The following SETD1A variants were observed in gnomAD, a reference collection of about 807,000 sequenced individuals.
SETD1A encodes the protein histone-lysine N-methyltransferase SETD1A.
SETD1A carries 29 observed loss-of-function variants against 149.9 expected under a neutral mutation model. The ratio of observed to expected loss-of-function variants is 0.19; its 90% CI spans 0.14 to 0.26. The LOEUF (loss-of-function observed/expected upper bound fraction) is 0.26. SETD1A is among the 10% of genes least tolerant of loss of function. The pLI is 1.00. For synonymous variants in SETD1A, 1,141 were observed against 968.5 expected (o/e 1.18, Z -3.31); for missense variants, 2,109 against 2,353.1 (o/e 0.90, Z 2.15).
intron 10 of SETD1A, among the ~76,000 whole-genome samples, chr16:30,968,163 C>T (rs1370906949): frequency 6.6e-6 from 1 of 152,034 alleles, no homozygotes; most frequent in East Asian, 1.9e-4. Context: ...CCAGCACTTC[C>T]AGAGGCTGAG....
At position 30,959,086 on chromosome 16, in the gene SETD1A, C is replaced by G. The variant is rs755077632; in HGVS notation, c.151-5C>G. 6 of 1,606,698 alleles carry G rather than the reference C, an allele frequency of 3.7e-6. No homozygotes were observed. The highest frequency in any genetic ancestry group is 1.7e-5 in the Admixed American group (1 of 59,984). On this transcript the variant is annotated splice_region_variant and splice_polypyrimidine_tract_variant and intron_variant, in intron 2 of 18. Transcript: ENST00000262519. The stretch of plus-strand genomic sequence containing the variant: ...CTCTCTTTCTGCTGCTGCTTTCCTT[C>G]CTAGGACTCAAAGTATATACCAGTC...
rs2056429112 is a variant in SETD1A, at chr16:30,984,484, C to T, written c.*461C>T. On this transcript the variant is annotated 3_prime_UTR_variant, in exon 19 of 19. Transcript: ENST00000262519. The stretch of plus-strand genomic sequence containing the variant: ...GTCCTGGGGACTCCGTGCCTGGAAC[C>T]CTGCCTCATCTGTTCCTGCCAGACC... 6.0e-6 allele frequency: 1 copy of T among 165,692 alleles called. No homozygotes were observed. 10.3% of individuals were successfully genotyped at this position (165,692 alleles called of 1,614,324 possible). A position where few individuals can be genotyped will look rare whatever the true frequency, so the allele number is the denominator to read the frequency against.
Position 30,961,940 on chromosome 16 carries a change from C to T in SETD1A, c.517+403C>T, listed in dbSNP as rs534325973. On this transcript the variant is annotated intron_variant, in intron 4 of 18. Coordinates refer to ENST00000262519, the MANE Select transcript of SETD1A (RefSeq NM_014712.3). The surrounding 1 kb of genome is among the most constrained non-coding windows in gnomAD (Gnocchi z 4.0). ...CTTTCCTCACTGCAGCCTCCAGCTC[C>T]TGGGCTCAGCCACCCCAGCCTCCTG... Among the ~76,000 whole-genome samples, 2 of 152,278 alleles carry T rather than the reference C, an allele frequency of 1.3e-5. No individual in the cohort carries two copies. The highest frequency in any genetic ancestry group is 6.5e-5 in the Admixed American group (1 of 15,292).
chr16:30,979,133 C>T lies in SETD1A; in HGVS notation c.3359-12C>T, dbSNP rs371168229. On this transcript the variant is annotated splice_polypyrimidine_tract_variant and intron_variant, in intron 13 of 18. Transcript: ENST00000262519. ...CCTGACCTCCTTTCCTTCCTATGTGCTTCCTTCCCAGGCCCCACGGAGGAG... is the reference window on the plus strand; with the variant it reads ...CCTGACCTCCTTTCCTTCCTATGTGTTTCCTTCCCAGGCCCCACGGAGGAG... 678 of 1,538,166 alleles carry T rather than the reference C, an allele frequency of 4.4e-4. 5 individuals carry two copies. In the South Asian group the frequency reaches 5.8e-3, roughly 13 times the overall value.
chr16:30,965,038 T>C lies in SETD1A; in HGVS notation c.1296T>C (p.Ala432=). The C allele has an allele frequency of 6.2e-7, 1 of 1,611,798 alleles. No homozygotes were observed. The highest frequency in any genetic ancestry group is 8.5e-7 in the Non-Finnish European group (1 of 1,179,668). ...DQDYRPPASE[A]PPPEPPEPGG... ...ACTACCGGCCTCCTGCCTCAGAGGC[T>C]CCACCCCCGGAGCCTCCAGAACCTG... is the stretch of plus-strand genomic sequence containing the variant. The change falls in exon 7 of 19, where the codon GCT becomes GCC. Residue 432 remains alanine (A), a synonymous_variant. Transcript: ENST00000262519.
chr16:30,980,281 C>T lies in SETD1A; in HGVS notation c.4408+87C>T, dbSNP rs1340175780. 1.4e-6 allele frequency: 2 copies of T among 1,474,658 alleles called. No individual in the cohort carries two copies. Among genetic ancestry groups the T allele is most frequent in the South Asian group, 1.4e-5 (1 of 72,054 alleles). 91.3% of individuals were successfully genotyped at this position (1,474,658 alleles called of 1,614,324 possible). A position where few individuals can be genotyped will look rare whatever the true frequency, so the allele number is the denominator to read the frequency against. ...TGCATCTGTGCCCCACTCTGTCTGCCTCCCCTCTGGCTCCAAGCCATCTTT... is the reference window on the plus strand; with the variant it reads ...TGCATCTGTGCCCCACTCTGTCTGCTTCCCCTCTGGCTCCAAGCCATCTTT... On this transcript the variant is annotated intron_variant, in intron 14 of 18. Coordinates refer to ENST00000262519, the MANE Select transcript of SETD1A (RefSeq NM_014712.3). This position sits in a 1 kb window ranked among gnomAD's most constrained non-coding sequence, Gnocchi z 7.7.
chr16:30,965,445 C>G lies in SETD1A; in HGVS notation c.1703C>G (p.Ala568Gly), dbSNP rs1289003809. 2 of 1,597,608 alleles carry G rather than the reference C, an allele frequency of 1.3e-6. No individual in the cohort carries two copies. Among genetic ancestry groups the G allele is most frequent in the South Asian group, 1.1e-5 (1 of 90,142 alleles). ...GGGGCTACCCGGGAGTCTCCCAAGG[C>G]AAATGGACAGAACCAGGTGAGGTTG... ...EPGATRESPKANGQNQASPCS... is the reference protein window; with the variant it reads ...EPGATRESPKGNGQNQASPCS... Residue 568 changes from alanine (A) to glycine (G), a missense_variant, in exon 7 of 19, where the codon GCA becomes GGA. This residue lies in a region of SETD1A where 431 missense variants were observed against 388.6 expected (regional missense o/e 1.11). Coordinates refer to ENST00000262519, the MANE Select transcript of SETD1A (RefSeq NM_014712.3).
chr16:30,958,134 G>A (rs2055989287), intron 1 of SETD1A, among the ~76,000 whole-genome samples, 170 bp downstream of exon 1: 1 of 149,152 alleles, frequency 6.7e-6, no homozygotes, highest in Admixed American at 6.7e-5. Context: ...GGTGAGTGGG[G>A]CCGCGCGGCG....
At chr16:30,967,401 GC>G in intron 9 of SETD1A, 99 bp from the exon 10 acceptor site, 1 of 1,040,990 alleles carries the variant, frequency 9.6e-7, no homozygotes, top group Non-Finnish European at 1.5e-6. Context: ...TGATCTACCT[GC>G]CTTGGCCTCC....
Position 30,971,628 on chromosome 16 carries a change from A to G in SETD1A, c.3267A>G (p.Pro1089=). The G allele has an allele frequency of 6.2e-7, 1 of 1,613,532 alleles. No homozygotes were observed. Among genetic ancestry groups the G allele is most frequent in the Non-Finnish European group, 8.5e-7 (1 of 1,179,752 alleles). The change falls in exon 13 of 19, where the codon CCA becomes CCG. Residue 1089 remains proline (P), a synonymous_variant. Coordinates refer to ENST00000262519, the MANE Select transcript of SETD1A (RefSeq NM_014712.3). ...PPPREVPVPT[P]APVEVPVPER... ...CCAGAGAAGTCCCAGTGCCCACGCC[A>G]GCACCTGTGGAGGTGCCAGTGCCGG... is the stretch of plus-strand genomic sequence containing the variant.
In SETD1A at chr16:30,966,971, G is replaced by A; in HGVS notation, c.2593G>A (p.Asp865Asn). 2 of 1,591,160 alleles carry A rather than the reference G, an allele frequency of 1.3e-6. No homozygotes were observed. The highest frequency in any genetic ancestry group is 1.1e-5 in the South Asian group (1 of 87,570). Residue 865 changes from aspartate to asparagine, a missense_variant, in exon 9 of 19, where the codon GAC becomes AAC. Asp to Asn is a conservative substitution (Grantham distance 23). Coordinates refer to ENST00000262519, the MANE Select transcript of SETD1A (RefSeq NM_014712.3). ...LKEPGLLSLV[D>N]WAKSGGTTGI... ...GGAGCCTGGCCTGCTGTCCCTCGTG[G>A]ACTGGGCCAAGAGCGGGGGCACTAC...
chr16:30,978,090 AT>A (rs2056307953), intron 13 of SETD1A, among the ~76,000 whole-genome samples: 1 of 152,140 alleles, frequency 6.6e-6, no homozygotes, highest in Non-Finnish European at 1.5e-5. Context: ...CCTGGCCAAC[AT>A]GGTGAAACCC....
chr16:30,979,991 G>GCCCAGC lies in SETD1A; in HGVS notation c.4208_4209insAGCCCC (p.Pro1403_Pro1404insAlaPro). 2.3e-6 allele frequency: 3 copies of GCCCAGC among 1,279,666 alleles called. No homozygotes were observed. The highest frequency in any genetic ancestry group is 3.1e-6 in the Non-Finnish European group (3 of 969,376). The allele number at this position is 1,279,666 out of a possible 1,614,324, so 79.3% of individuals were successfully genotyped here. On this transcript the variant is annotated inframe_insertion, in exon 14 of 19. Coordinates refer to ENST00000262519, the MANE Select transcript of SETD1A (RefSeq NM_014712.3). ...CTCCGCTCCCACGCCCGGCGCCGCC[G>GCCCAGC]CCCTCCGCCCCCACCCCCGCCGCCA...
Position 30,967,591 on chromosome 16 carries a change from G to A in SETD1A, c.2770+3G>A. The A allele has an allele frequency of 6.2e-7, 1 of 1,613,352 alleles. No homozygotes were observed. The highest frequency in any genetic ancestry group is 2.2e-5 in the East Asian group (1 of 44,870). ...TCCTGCTGAGGAAGATGAAGACGGT[G>A]AGCAGGGTCAGGCATAAGGAGAAGG... is the stretch of plus-strand genomic sequence containing the variant. On this transcript the variant is annotated splice_donor_region_variant and intron_variant, in intron 10 of 18. Transcript: ENST00000262519.
In SETD1A at chr16:30,964,661, G is replaced by C. The variant is rs1289949639; in HGVS notation, c.919G>C (p.Asp307His). ...KPRRSENSYQ[D>H]AFSRRHFSAS... is the part of the protein sequence containing the mutation. Reference sequence around the variant, plus strand: ...CCGGCGGTCAGAGAACAGCTACCAAGATGCCTTTTCCCGCCGCCACTTCTC... The same window carrying C: ...CCGGCGGTCAGAGAACAGCTACCAACATGCCTTTTCCCGCCGCCACTTCTC... The change falls in exon 7 of 19, where the codon GAT becomes CAT. Residue 307 changes from aspartate (D) to histidine (H), a missense_variant. Asp to His is a moderately conservative substitution (Grantham distance 81, BLOSUM62 -1). Around this residue, in one of 8 missense-constraint regions of SETD1A, gnomAD observed 410 missense variants for 394.8 expected, o/e 1.04. Transcript: ENST00000262519. 1 of 1,613,838 alleles carries C rather than the reference G, an allele frequency of 6.2e-7. No homozygotes were observed. The highest frequency in any genetic ancestry group is 1.1e-5 in the South Asian group (1 of 91,074).
intron 17 of SETD1A, among the ~76,000 whole-genome samples, chr16:30,982,038 T>TG (rs2056385905): frequency 6.6e-6 from 1 of 152,122 alleles, no homozygotes; most frequent in Admixed American, 6.5e-5. Context: ...AACACACACC[T>TG]GGGGGGCCTA....
At chr16:30,978,068 GAT>G (rs1255751217) in intron 13 of SETD1A, among the ~76,000 whole-genome samples, 147 of 152,054 alleles carry the variant, frequency 9.7e-4, no homozygotes, top group Admixed American at 2.0e-3. Flanking sequence ...GAGGTCAAGA[GAT>G]CGAGACCATC....
At position 30,965,409 on chromosome 16, in the gene SETD1A, G is replaced by A. The variant is rs1469281911; in HGVS notation, c.1667G>A (p.Ser556Asn). 1.9e-6 allele frequency: 3 copies of A among 1,604,488 alleles called. No homozygotes were observed. The highest frequency in any genetic ancestry group is 2.6e-6 in the Non-Finnish European group (3 of 1,172,954). Residue 556 changes from serine to asparagine, a missense_variant, in exon 7 of 19, where the codon AGC becomes AAC. By Grantham distance (46) the Ser-to-Asn change is conservative. Around this residue, in one of 8 missense-constraint regions of SETD1A, gnomAD observed 431 missense variants for 388.6 expected, o/e 1.11. Coordinates refer to ENST00000262519, the MANE Select transcript of SETD1A (RefSeq NM_014712.3). Reference sequence around the variant, plus strand: ...TTTGAGGATGTGGCACCTACAGGGAGCGGGGAGCCAGGGGCTACCCGGGAG... The same window carrying A: ...TTTGAGGATGTGGCACCTACAGGGAACGGGGAGCCAGGGGCTACCCGGGAG... ...ANFEDVAPTGSGEPGATRESP... is the reference protein window; with the variant it reads ...ANFEDVAPTGNGEPGATRESP...
Position 30,980,340 on chromosome 16 carries a change from A to C in SETD1A, c.4409-145A>C. Reference sequence around the variant, plus strand: ...CCTGGTGCCTCTTTTCTGCCTTCCAAAGCATTTCTGGCAGGAACGATGGGG... The same window carrying C: ...CCTGGTGCCTCTTTTCTGCCTTCCACAGCATTTCTGGCAGGAACGATGGGG... On this transcript the variant is annotated intron_variant, in intron 14 of 18. Coordinates refer to ENST00000262519, the MANE Select transcript of SETD1A (RefSeq NM_014712.3). The surrounding 1 kb of genome is among the most constrained non-coding windows in gnomAD (Gnocchi z 7.7). 1 of 1,441,976 alleles carries C rather than the reference A, an allele frequency of 6.9e-7. No homozygotes were observed. Among genetic ancestry groups the C allele is most frequent in the Non-Finnish European group, 9.3e-7 (1 of 1,074,620 alleles). The allele number at this position is 1,441,976 out of a possible 1,614,324, so 89.3% of individuals were successfully genotyped here.
Sources: gnomAD v4.1 joint callset for allele counts (sites outside exome capture counted in the v4.1 genomes callset) on GRCh38, gnomAD v4.1.1 for gene constraint, gnomAD v4.1.1 regional missense constraint, Gnocchi (gnomAD v3.1) non-coding constraint, MANE v1.5 for transcripts, NCBI Gene and HGNC (gene_info 2026-07-23, HGNC 2026-07-21) for gene names.